Variants in TTC7A observed in about 807,000 individuals in gnomAD.
TTC7A encodes the protein tetratricopeptide repeat domain 7A, also known as tetratricopeptide repeat protein 7A.
A neutral mutation model predicts 103.7 loss-of-function variants in TTC7A; 110 were observed. That is an observed-to-expected ratio of 1.06 (90% CI 0.91 to 1.24). The LOEUF (loss-of-function observed/expected upper bound fraction) is 1.24, where lower values mean the gene tolerates loss of function less well. Among genes scored for constraint, TTC7A ranks in the 50% most tolerant of loss-of-function variants. The pLI is 0.00. For synonymous variants in TTC7A, 521 were observed against 467.9 expected, an observed-to-expected ratio of 1.11 and a Z score of -1.47; for missense variants, 1,340 against 1,116.3, an observed-to-expected ratio of 1.20 and a Z score of -2.86.
At chr2:47,009,841 C>T (rs1677835324) in intron 10 of TTC7A, among the ~76,000 whole-genome samples, 1 of 135,458 alleles carries the variant, frequency 7.4e-6, no homozygotes, top group African/African-American at 2.8e-5. Context: ...AGGATTACTG[C>T]TGAGTTTCTT....
chr2:46,923,426 T>C (rs565288219), intron 2 of TTC7A, among the ~76,000 whole-genome samples: 14 of 152,290 alleles, frequency 9.2e-5, no homozygotes, highest in African/African-American at 3.4e-4. Context: ...TGTGGAGTCT[T>C]TAAGGATTGT....
chr2:47,054,495 C>T (rs74779880), intron 18 of TTC7A, among the ~76,000 whole-genome samples: 1 of 151,968 alleles, frequency 6.6e-6, no homozygotes, highest in South Asian at 2.1e-4. Context: ...CCCTAACTGC[C>T]GAGGGCTCTG....
In TTC7A at chr2:46,941,377, T is replaced by TGCTGCTGCCCACCCTCCGCCGCC; in HGVS notation, c.-164_-142dup. Reference sequence around the variant, plus strand: ...TGGGAGCTGCTGGTGCTGCTGCTGCTGCTGCTGCCCACCCTCCGCCGCCCG... The same window carrying TGCTGCTGCCCACCCTCCGCCGCC: ...TGGGAGCTGCTGGTGCTGCTGCTGCTGCTGCTGCCCACCCTCCGCCGCCGCTGCTGCCCACCCTCCGCCGCCCG... On this transcript the variant is annotated 5_prime_UTR_variant, in exon 1 of 20. Transcript: ENST00000319190. The surrounding 1 kb of genome is among the most constrained non-coding windows in gnomAD (Gnocchi z 4.2). 4.3e-6 allele frequency: 2 copies of TGCTGCTGCCCACCCTCCGCCGCC among 463,444 alleles called. No homozygotes were observed. The highest frequency in any genetic ancestry group is 1.3e-4 in the East Asian group (2 of 14,892). 28.7% of individuals were successfully genotyped at this position (463,444 alleles called of 1,614,324 possible). A position where few individuals can be genotyped will look rare whatever the true frequency, so the allele number is the denominator to read the frequency against.
intron 2 of TTC7A, among the ~76,000 whole-genome samples, chr2:46,951,287 G>C (rs573109700): frequency 6.6e-6 from 1 of 152,016 alleles, no homozygotes; most frequent in Non-Finnish European, 1.5e-5. Context: ...CATCATTGGG[G>C]AGCTGGTTAG....
chr2:47,050,365 G>A (rs1477588405), intron 17 of TTC7A: 15 of 372,366 alleles, frequency 4.0e-5, no homozygotes, highest in Non-Finnish European at 6.1e-5. Flanking sequence ...CACAGTCCAC[G>A]TAATGTCCTT....
intron 11 of TTC7A, among the ~76,000 whole-genome samples, chr2:47,018,583 CA>C (rs201896192): frequency 0.18 from 13,616 of 76,952 alleles, 323 homozygotes; most frequent in East Asian, 0.34. Context: ...GACTCCATCT[CA>C]AAAAAAAAAA....
intron 19 of TTC7A, among the ~76,000 whole-genome samples, chr2:47,068,753 T>A (rs572231896): frequency 5.3e-4 from 80 of 150,088 alleles, no homozygotes; most frequent in Admixed American, 1.1e-3. Context: ...TAAGCTGATA[T>A]AGGCTCCTGA....
intron 15 of TTC7A, 145 bp downstream of exon 15, chr2:47,029,529 G>A: frequency 1.0e-6 from 1 of 965,504 alleles, no homozygotes; most frequent in Non-Finnish European, 1.6e-6. Flanking sequence ...GGAGAGACAG[G>A]GGTGAGGACA....
At chr2:47,060,744 TC>T in intron 18 of TTC7A, 24 bp from the exon 19 acceptor site, 1 of 1,573,902 alleles carries the variant, frequency 6.4e-7, no homozygotes, top group East Asian at 2.3e-5. Flanking sequence ...CACTCACACC[TC>T]CCACTGCCCT....
intron 3 of TTC7A, among the ~76,000 whole-genome samples, chr2:46,969,993 G>A (rs1019118383): frequency 2.6e-5 from 4 of 152,148 alleles, no homozygotes; most frequent in Admixed American, 2.0e-4. Flanking sequence ...GCTTTGCTTT[G>A]AGCTTTTTTT....
At chr2:47,028,325 G>A (rs1680139504) in intron 14 of TTC7A, among the ~76,000 whole-genome samples, 1 of 152,188 alleles carries the variant, frequency 6.6e-6, no homozygotes, top group Non-Finnish European at 1.5e-5. Context: ...ACTTGCAGGT[G>A]GGGCCCTGGC....
chr2:46,941,813 C>G lies in TTC7A; in HGVS notation c.184+88C>G. ...GAAGCGCGCCCAGACAGTCCTCGGCCGACAGCGGGCGCCTGCCAGCCCACC... is the reference window on the plus strand; with the variant it reads ...GAAGCGCGCCCAGACAGTCCTCGGCGGACAGCGGGCGCCTGCCAGCCCACC... On this transcript the variant is annotated intron_variant, in intron 1 of 19. Transcript: ENST00000319190. This position sits in a 1 kb window ranked among gnomAD's most constrained non-coding sequence, Gnocchi z 4.2. 4 of 1,495,620 alleles carry G rather than the reference C, an allele frequency of 2.7e-6. No homozygotes were observed. The highest frequency in any genetic ancestry group is 3.6e-6 in the Non-Finnish European group (4 of 1,107,674). 92.6% of individuals were successfully genotyped at this position (1,495,620 alleles called of 1,614,324 possible).
intron 5 of TTC7A, among the ~76,000 whole-genome samples, chr2:46,986,994 C>T (rs1675080136): frequency 6.6e-6 from 1 of 152,216 alleles, no homozygotes; most frequent in Admixed American, 6.5e-5. Context: ...AGGAGTCTTG[C>T]CCTATTGATT....
intron 15 of TTC7A, among the ~76,000 whole-genome samples, chr2:47,032,429 G>A (rs879528887): frequency 4.6e-5 from 7 of 152,198 alleles, no homozygotes; most frequent in Admixed American, 1.3e-4. Flanking sequence ...AACCTCTGCC[G>A]TGGGAACAAC....
At chr2:47,015,395 G>T (rs1437954784) in intron 11 of TTC7A, among the ~76,000 whole-genome samples, 1 of 152,236 alleles carries the variant, frequency 6.6e-6, no homozygotes, top group African/African-American at 2.4e-5. Context: ...CTTATCTTTG[G>T]AAAGGTCTCT....
chr2:47,061,399 A>G (rs992368166), intron 19 of TTC7A, among the ~76,000 whole-genome samples: 5 of 151,980 alleles, frequency 3.3e-5, no homozygotes, highest in African/African-American at 1.2e-4. Flanking sequence ...TGTCTCCTCC[A>G]TTTCCAAGGA....
intron 2 of TTC7A, among the ~76,000 whole-genome samples, chr2:46,924,050 T>A (rs900463185): frequency 1.3e-5 from 2 of 152,026 alleles, no homozygotes; most frequent in South Asian, 4.2e-4. Flanking sequence ...GAAAATTTTT[T>A]AAAAAATAGC....
chr2:46,965,973 G>A (rs1196187952), intron 3 of TTC7A, among the ~76,000 whole-genome samples: 1 of 148,982 alleles, frequency 6.7e-6, no homozygotes, highest in Non-Finnish European at 1.5e-5. Flanking sequence ...TTCTTGAGGT[G>A]GAGTCTTGCT....
intron 16 of TTC7A, chr2:47,047,408 A>G (rs1573020670): frequency 9.9e-7 from 1 of 1,009,242 alleles, no homozygotes; most frequent in East Asian, 2.7e-5. Flanking sequence ...ACCAGGGCAG[A>G]GGAGGACCAG....
Sources: allele counts gnomAD v4.1 joint callset (sites outside exome capture counted in the v4.1 genomes callset), GRCh38; gene constraint gnomAD v4.1.1; non-coding constraint Gnocchi (gnomAD v3.1); transcripts MANE v1.5; gene names NCBI Gene and HGNC (gene_info 2026-07-23, HGNC 2026-07-21).